Variants in BAHCC1 observed in about 807,000 individuals in gnomAD.
The protein encoded by BAHCC1 is BAH and coiled-coil domain-containing protein 1.
Under a neutral mutation model 88.2 loss-of-function variants are expected in BAHCC1, and 43 were observed. The ratio of observed to expected loss-of-function variants is 0.49; its 90% CI spans 0.38 to 0.63. The LOEUF is 0.63. Among genes scored for constraint, BAHCC1 ranks in the 20% least tolerant of loss-of-function variants. The pLI is 0.00. For synonymous variants in BAHCC1, 1,510 were observed against 745.5 expected (o/e 2.03, Z -16.71); for missense variants, 3,023 against 1,654.8 (o/e 1.83, Z -14.34).
At position 81,455,359 on chromosome 17, in the gene BAHCC1, G is replaced by C; in HGVS notation, c.4538G>C (p.Ser1513Thr). The change falls in exon 15 of 28, where the codon AGC becomes ACC. Residue 1513 changes from serine to threonine, a missense_variant. Transcript: ENST00000675386. The part of the protein sequence containing the change: ...PAKKRSKLER[S>T]VYAGLQTASV... ...AAGAAGCGAAGCAAGCTGGAGAGGAGCGTCTATGCGGGCCTGCAGACTGCC... is the reference window on the plus strand; with the variant it reads ...AAGAAGCGAAGCAAGCTGGAGAGGACCGTCTATGCGGGCCTGCAGACTGCC... The C allele has an allele frequency of 1.4e-6, 1 of 716,744 alleles. No homozygotes were observed. The highest frequency in any genetic ancestry group is 2.6e-6 in the Non-Finnish European group (1 of 384,960). The allele number at this position is 716,744 out of a possible 1,614,324, so 44.4% of individuals were successfully genotyped here. A position where few individuals can be genotyped will look rare whatever the true frequency, so the allele number is the denominator to read the frequency against.
chr17:81,424,960 GCAT>G (rs2064158797), intron 2 of BAHCC1, among the ~76,000 whole-genome samples: 1 of 148,826 alleles, frequency 6.7e-6, no homozygotes, highest in Non-Finnish European at 1.5e-5. Context: ...GATGTGGTTG[GCAT>G]GATGTGGTTG....
At chr17:81,422,823 T>C in intron 2 of BAHCC1, 1 of 422,482 alleles carries the variant, frequency 2.4e-6, no homozygotes, top group Non-Finnish European at 4.7e-6. Context: ...GGGAGGGACT[T>C]CCCCAGGAGG....
Position 81,444,675 on chromosome 17 carries a change from G to T in BAHCC1, c.2520G>T (p.Gly840=), listed in dbSNP as rs781805152. 8 of 772,866 alleles carry T rather than the reference G, an allele frequency of 1.0e-5. No homozygotes were observed. In the Admixed American group the frequency reaches 1.4e-4, roughly 13 times the overall value. 47.9% of individuals were successfully genotyped at this position (772,866 alleles called of 1,614,324 possible). A position where few individuals can be genotyped will look rare whatever the true frequency, so the allele number is the denominator to read the frequency against. Residue 840 remains glycine, a synonymous_variant, in exon 8 of 28, where the codon GGG becomes GGT. Coordinates refer to ENST00000675386, the MANE Select transcript of BAHCC1 (RefSeq NM_001377448.1). ...LWMGGHSYGL[G]HPALHQNLPP... is the part of the protein sequence containing the mutation. ...GTGCCCTCTGCCTCCCAGGCCTGGG[G>T]CACCCTGCCCTGCACCAGAACCTGC...
At position 81,447,753 on chromosome 17, in the gene BAHCC1, C is replaced by T. The variant is rs1293445731; in HGVS notation, c.3881C>T (p.Pro1294Leu). 2.7e-6 allele frequency: 2 copies of T among 740,752 alleles called. No homozygotes were observed. Among genetic ancestry groups the T allele is most frequent in the Admixed American group, 3.7e-5 (2 of 53,360 alleles). 45.9% of individuals were successfully genotyped at this position (740,752 alleles called of 1,614,324 possible). The change falls in exon 11 of 28, where the codon CCC becomes CTC. Residue 1294 changes from proline (P) to leucine (L), a missense_variant. Coordinates refer to ENST00000675386, the MANE Select transcript of BAHCC1 (RefSeq NM_001377448.1). ...PAASGPPSTV[P>L]LPHSSGIHGI... ...GCCTCTGGGCCCCCCAGCACAGTCC[C>T]CCTGCCTCATAGCTCAGGGATTCAT...
At chr17:81,459,847 ACTG>A (rs1424089872) in intron 23 of BAHCC1, among the ~76,000 whole-genome samples, 1 of 152,030 alleles carries the variant, frequency 6.6e-6, no homozygotes, top group Non-Finnish European at 1.5e-5. Flanking sequence ...GGCCCTGAGC[ACTG>A]CTGCTGGGGG....
Position 81,407,312 on chromosome 17 carries a change from AAAGAG to A in BAHCC1, c.178+7399_178+7403del, listed in dbSNP as rs782725712. 5.8e-6 allele frequency: 3 copies of A among 518,784 alleles called. No homozygotes were observed. In the Admixed American group the frequency reaches 5.8e-5, roughly 10 times the overall value. 32.1% of individuals were successfully genotyped at this position (518,784 alleles called of 1,614,324 possible). A position where few individuals can be genotyped will look rare whatever the true frequency, so the allele number is the denominator to read the frequency against. On this transcript the variant is annotated intron_variant, in intron 2 of 27. Coordinates refer to ENST00000675386, the MANE Select transcript of BAHCC1 (RefSeq NM_001377448.1). ...TGCCTTCTTGGGGTACCCCACCAAAAAAGAGAAGCCTTAGCCATATTAAGTAAGAA... is the reference window on the plus strand; with the variant it reads ...TGCCTTCTTGGGGTACCCCACCAAAAAAGCCTTAGCCATATTAAGTAAGAA...
At chr17:81,457,743 G>A (rs1418288767) in intron 17 of BAHCC1, among the ~76,000 whole-genome samples, 151 bp downstream of exon 17, 1 of 136,940 alleles carries the variant, frequency 7.3e-6, no homozygotes, top group Non-Finnish European at 1.6e-5. Context: ...GGGTTGCTGG[G>A]TAACCAGGAG....
intron 3 of BAHCC1, among the ~76,000 whole-genome samples, chr17:81,427,485 C>T (rs998437448): frequency 1.3e-5 from 2 of 152,220 alleles, no homozygotes; most frequent in African/African-American, 4.8e-5. Flanking sequence ...GGACACAGCC[C>T]TGGACACACA....
chr17:81,446,620 T>C (rs78527644), intron 10 of BAHCC1: 297 of 320,244 alleles, frequency 9.3e-4, no homozygotes, highest in African/African-American at 6.1e-3. Context: ...GCGAACATGG[T>C]TCACTGCAGC....
intron 2 of BAHCC1, among the ~76,000 whole-genome samples, chr17:81,419,742 G>A (rs1555649369): frequency 6.6e-6 from 1 of 152,016 alleles, no homozygotes; most frequent in African/African-American, 2.4e-5. Context: ...CGGGAGCCTG[G>A]GAAGGGCCTC....
chr17:81,441,651 A>C (rs2064417768), intron 4 of BAHCC1, among the ~76,000 whole-genome samples, 180 bp from the exon 5 acceptor site: 1 of 141,474 alleles, frequency 7.1e-6, no homozygotes, highest in Non-Finnish European at 1.5e-5. Flanking sequence ...GACAGAGGGC[A>C]GAGCGAGACT....
chr17:81,457,577 A>AG lies in BAHCC1; in HGVS notation c.5028dup (p.Gln1677AlafsTer13). 1 of 740,910 alleles carries AG rather than the reference A, an allele frequency of 1.3e-6. No homozygotes were observed. The highest frequency in any genetic ancestry group is 2.5e-6 in the Non-Finnish European group (1 of 398,422). 45.9% of individuals were successfully genotyped at this position (740,910 alleles called of 1,614,324 possible). On this transcript the variant is annotated frameshift_variant, in exon 17 of 28. Transcript: ENST00000675386. LOFTEE classifies it high-confidence loss of function. ...CCAGAAGGCCAAGAAGAAGAAGGAG[A>AG]GGCAGGGGTTGCTAGGTAACCAGGA... is the stretch of plus-strand genomic sequence containing the variant.
At chr17:81,420,223 G>A (rs1199826074) in intron 2 of BAHCC1, among the ~76,000 whole-genome samples, 4 of 152,218 alleles carry the variant, frequency 2.6e-5, no homozygotes, top group African/African-American at 7.2e-5. Context: ...CAAGGAGCCT[G>A]GAAGACAGGT....
intron 13 of BAHCC1, 47 bp downstream of exon 13, chr17:81,452,154 A>C (rs1555656037): frequency 4.4e-6 from 1 of 228,018 alleles, no homozygotes; most frequent in Non-Finnish European, 8.2e-6. Context: ...CAGCACCCCC[A>C]CCCCCGGGAG....
chr17:81,409,744 C>T (rs531225820), intron 2 of BAHCC1, among the ~76,000 whole-genome samples: 4 of 152,284 alleles, frequency 2.6e-5, no homozygotes, highest in South Asian at 2.1e-4. Flanking sequence ...GCTGCCTCAC[C>T]CTCTGCGACG....
At chr17:81,428,743 C>T (rs1437277132) in intron 3 of BAHCC1, among the ~76,000 whole-genome samples, 2 of 152,332 alleles carry the variant, frequency 1.3e-5, no homozygotes, top group South Asian at 4.1e-4. Context: ...TAGACACTCA[C>T]TTCCCCTTGT....
chr17:81,441,066 G>A (rs6565569), intron 4 of BAHCC1, among the ~76,000 whole-genome samples: 123,467 of 151,996 alleles, frequency 0.81, 50,817 homozygotes, highest in East Asian at 0.99. Context: ...CCTGCCCCGC[G>A]TCCCCCGAAA....
chr17:81,411,458 C>T lies in BAHCC1; in HGVS notation c.178+11541C>T, dbSNP rs897011006. Reference sequence around the variant, plus strand: ...TGGGGGGGAACAGGGTCCTTGAGGTCGTCAGCCAGCCCCACCCCTGCCTGC... The same window carrying T: ...TGGGGGGGAACAGGGTCCTTGAGGTTGTCAGCCAGCCCCACCCCTGCCTGC... On this transcript the variant is annotated intron_variant, in intron 2 of 27. Transcript: ENST00000675386. This position sits in a 1 kb window ranked among gnomAD's most constrained non-coding sequence, Gnocchi z 6.2. 29 of 363,944 alleles carry T rather than the reference C, an allele frequency of 8.0e-5. No homozygotes were observed. Among genetic ancestry groups the T allele is most frequent in the South Asian group, 1.4e-4 (7 of 50,646 alleles). The allele number at this position is 363,944 out of a possible 1,614,324, so 22.5% of individuals were successfully genotyped here.
Position 81,411,257 on chromosome 17 carries a change from C to T in BAHCC1, c.178+11340C>T, listed in dbSNP as rs1455104329. ...ACTCGCCACCCCCAGTTGAGCAGCT[C>T]CCCTTCTCGGCAGCTCCCAAACCCT... On this transcript the variant is annotated intron_variant, in intron 2 of 27. Coordinates refer to ENST00000675386, the MANE Select transcript of BAHCC1 (RefSeq NM_001377448.1). The surrounding 1 kb of genome is among the most constrained non-coding windows in gnomAD (Gnocchi z 6.2). The T allele has an allele frequency of 2.0e-6, 1 of 491,716 alleles. No homozygotes were observed. Among genetic ancestry groups the T allele is most frequent in the Non-Finnish European group, 4.0e-6 (1 of 247,346 alleles). 30.5% of individuals were successfully genotyped at this position (491,716 alleles called of 1,614,324 possible).
Sources: gnomAD v4.1 joint callset for allele counts (sites outside exome capture counted in the v4.1 genomes callset) on GRCh38, gnomAD v4.1.1 for gene constraint, Gnocchi (gnomAD v3.1) non-coding constraint, MANE v1.5 for transcripts, NCBI Gene and HGNC (gene_info 2026-07-23, HGNC 2026-07-21) for gene names.